TMEM178B: variants seen among roughly 807,000 people sequenced by gnomAD.
The protein encoded by TMEM178B is transmembrane protein 178B.
A neutral mutation model predicts 31.0 loss-of-function variants in TMEM178B; 5 were observed. The ratio of observed to expected loss-of-function variants is 0.16; its 90% CI spans 0.08 to 0.34. TMEM178B has a LOEUF of 0.34. Among genes scored for constraint, TMEM178B ranks in the 10% least tolerant of loss-of-function variants. The probability of loss-of-function intolerance (pLI) is 1.00; values close to 1 mark genes in which losing one functional copy is unlikely to be tolerated. For synonymous variants in TMEM178B, 164 were observed against 164.0 expected (o/e 1.00, Z 0.00); for missense variants, 275 against 400.3 (o/e 0.69, Z 2.67).
rs992845361 is a variant in TMEM178B, at chr7:141,074,164, G to A, written c.-147G>A. On this transcript the variant is annotated 5_prime_UTR_variant, in exon 1 of 4. Coordinates refer to ENST00000565468, the MANE Select transcript of TMEM178B (RefSeq NM_001195278.2). The surrounding 1 kb of genome is among the most constrained non-coding windows in gnomAD (Gnocchi z 5.1). ...CCCGCAGTCCCCGGGCCGTGCTCCGGTAGGCGGGGGCCGAGGGGGCGCCGC... is the reference window on the plus strand; with the variant it reads ...CCCGCAGTCCCCGGGCCGTGCTCCGATAGGCGGGGGCCGAGGGGGCGCCGC... 1 of 1,215,568 alleles carries A rather than the reference G, an allele frequency of 8.2e-7. No homozygotes were observed. Among genetic ancestry groups the A allele is most frequent in the Admixed American group, 3.2e-5 (1 of 31,590 alleles). 75.3% of individuals were successfully genotyped at this position (1,215,568 alleles called of 1,614,324 possible). A position where few individuals can be genotyped will look rare whatever the true frequency, so the allele number is the denominator to read the frequency against.
At chr7:141,304,990 G>T (rs950332074) in intron 2 of TMEM178B, among the ~76,000 whole-genome samples, 1 of 152,162 alleles carries the variant, frequency 6.6e-6, no homozygotes, top group African/African-American at 2.4e-5. Flanking sequence ...CAACAGACAA[G>T]CAGAATAACT....
chr7:141,158,299 T>C (rs1475241623), intron 1 of TMEM178B, among the ~76,000 whole-genome samples: 1 of 152,170 alleles, frequency 6.6e-6, no homozygotes, highest in Non-Finnish European at 1.5e-5. Context: ...TTTCGTCATG[T>C]TGGTCAGGCT....
At chr7:141,247,323 T>A (rs1463322516) in intron 2 of TMEM178B, among the ~76,000 whole-genome samples, 1 of 152,178 alleles carries the variant, frequency 6.6e-6, no homozygotes, top group Non-Finnish European at 1.5e-5. Context: ...GATATATCTC[T>A]CTGTAGGTCT....
At chr7:141,268,620 C>A (rs913165232) in intron 2 of TMEM178B, among the ~76,000 whole-genome samples, 2 of 152,166 alleles carry the variant, frequency 1.3e-5, no homozygotes, top group African/African-American at 4.8e-5. Flanking sequence ...ACTGTTGCAC[C>A]CAGATCAGCT....
chr7:141,166,516 A>G (rs903738385), intron 1 of TMEM178B, among the ~76,000 whole-genome samples: 5 of 152,180 alleles, frequency 3.3e-5, no homozygotes, highest in African/African-American at 1.2e-4. Context: ...CTGCCATAAG[A>G]GATGGGGTGG....
At chr7:141,244,289 A>G (rs1797690868) in intron 2 of TMEM178B, among the ~76,000 whole-genome samples, 1 of 152,236 alleles carries the variant, frequency 6.6e-6, no homozygotes, top group South Asian at 2.1e-4. Context: ...TGTGCAAAGC[A>G]GTGTTGTATT....
rs1802429201 is a variant in TMEM178B at position 141,479,117 on chromosome 7, T to C, written c.*8331T>C. The C allele has an allele frequency of 6.6e-6, 1 of 152,198 alleles. No homozygotes were observed. The highest frequency in any genetic ancestry group is 1.5e-5 in the Non-Finnish European group (1 of 68,086). 9.4% of individuals were successfully genotyped at this position (152,198 alleles called of 1,614,324 possible). A position where few individuals can be genotyped will look rare whatever the true frequency, so the allele number is the denominator to read the frequency against. ...GTCCTAGAGGCCAAAGCAGGTCATATTCTTCAGCTGCAGGAATGTCAGCTA... is the reference window on the plus strand; with the variant it reads ...GTCCTAGAGGCCAAAGCAGGTCATACTCTTCAGCTGCAGGAATGTCAGCTA... On this transcript the variant is annotated 3_prime_UTR_variant, in exon 4 of 4. Coordinates refer to ENST00000565468, the MANE Select transcript of TMEM178B (RefSeq NM_001195278.2).
chr7:141,144,751 A>C (rs1281853375), intron 1 of TMEM178B, among the ~76,000 whole-genome samples: 4 of 152,078 alleles, frequency 2.6e-5, no homozygotes, highest in Non-Finnish European at 4.4e-5. Flanking sequence ...AGGAGGTAGG[A>C]GCTCCTTTCC....
chr7:141,215,324 T>TATA (rs1797112791), intron 2 of TMEM178B, among the ~76,000 whole-genome samples: 1 of 83,088 alleles, frequency 1.2e-5, no homozygotes, highest in Non-Finnish European at 3.3e-5. Flanking sequence ...TCTTTATTAT[T>TATA]ATTATTATTA....
At chr7:141,293,971 C>T (rs1011153108) in intron 2 of TMEM178B, among the ~76,000 whole-genome samples, 1 of 152,166 alleles carries the variant, frequency 6.6e-6, no homozygotes, top group Non-Finnish European at 1.5e-5. Flanking sequence ...AGCAAAGGTT[C>T]TGCTGTTTGA....
chr7:141,139,746 C>T (rs188869998), intron 1 of TMEM178B, among the ~76,000 whole-genome samples: 57 of 151,462 alleles, frequency 3.8e-4, no homozygotes, highest in African/African-American at 1.3e-3. Flanking sequence ...CCTGTTACTT[C>T]TTGGTGAACT....
intron 2 of TMEM178B, among the ~76,000 whole-genome samples, chr7:141,292,612 C>T (rs1443117374): frequency 6.6e-6 from 1 of 151,954 alleles, no homozygotes. Context: ...ACCCCTCTGC[C>T]CCCTGAAGTT....
chr7:141,398,363 G>T (rs943563614), intron 2 of TMEM178B, among the ~76,000 whole-genome samples: 2 of 152,082 alleles, frequency 1.3e-5, no homozygotes, highest in Admixed American at 1.3e-4. Context: ...CCTCTGTTTT[G>T]CTGTGCTGCT....
intron 2 of TMEM178B, among the ~76,000 whole-genome samples, chr7:141,436,533 G>C (rs1347857810): frequency 2.0e-5 from 3 of 152,136 alleles, no homozygotes; most frequent in African/African-American, 7.2e-5. Flanking sequence ...GCTGTGGTGG[G>C]TGTTGGTGAA....
intron 1 of TMEM178B, among the ~76,000 whole-genome samples, chr7:141,174,017 G>A (rs1445163514): frequency 6.6e-6 from 1 of 152,108 alleles, no homozygotes; most frequent in African/African-American, 2.4e-5. Flanking sequence ...GTGCATGTTT[G>A]TTACATAGGT....
At chr7:141,108,152 C>T (rs572865316) in intron 1 of TMEM178B, among the ~76,000 whole-genome samples, 18 of 151,940 alleles carry the variant, frequency 1.2e-4, no homozygotes, top group Non-Finnish European at 2.5e-4. Flanking sequence ...ATATTGGAGG[C>T]CGTTAAGAGA....
intron 1 of TMEM178B, among the ~76,000 whole-genome samples, chr7:141,142,924 G>T (rs187858789): frequency 2.2e-3 from 333 of 152,306 alleles, no homozygotes; most frequent in African/African-American, 7.7e-3. Context: ...TCTGAGTGGT[G>T]TGAGATAGCA....
chr7:141,150,090 G>A (rs919143129), intron 1 of TMEM178B, among the ~76,000 whole-genome samples: 3 of 152,112 alleles, frequency 2.0e-5, no homozygotes, highest in African/African-American at 7.2e-5. Context: ...GGGTTGGAAA[G>A]ACTATGGATG....
At chr7:141,233,598 A>G (rs774782445) in intron 2 of TMEM178B, among the ~76,000 whole-genome samples, 4 of 152,134 alleles carry the variant, frequency 2.6e-5, no homozygotes, top group Non-Finnish European at 5.9e-5. Context: ...CCACTGGGGT[A>G]TGTGTTTTGT....
Sources: gnomAD v4.1 joint callset for allele counts (sites outside exome capture counted in the v4.1 genomes callset) on GRCh38, gnomAD v4.1.1 for gene constraint, Gnocchi (gnomAD v3.1) non-coding constraint, MANE v1.5 for transcripts, NCBI Gene and HGNC (gene_info 2026-07-23, HGNC 2026-07-21) for gene names.